The following PRLR variants were observed in gnomAD, a reference collection of about 807,000 sequenced individuals.
PRLR encodes the protein hPRL receptor.
Under a neutral mutation model 40.2 loss-of-function variants are expected in PRLR, and 13 were observed. That is an observed-to-expected ratio of 0.32 (90% CI 0.21 to 0.51). The LOEUF (loss-of-function observed/expected upper bound fraction) is 0.51. Among genes scored for constraint, PRLR ranks in the 20% least tolerant of loss-of-function variants. PRLR has a pLI of 0.97. For synonymous variants in PRLR, 269 were observed against 278.7 expected, an observed-to-expected ratio of 0.97 and a Z score of 0.35; for missense variants, 656 against 747.3, an observed-to-expected ratio of 0.88 and a Z score of 1.42.
chr5:35,086,171 C>T, intron 4 of PRLR, 37 bp downstream of exon 4: 1 of 1,611,252 alleles, frequency 6.2e-7, no homozygotes, highest in Non-Finnish European at 8.5e-7. Context: ...TGGGAGTACT[C>T]ATGTGGGGTT....
intron 6 of PRLR, among the ~76,000 whole-genome samples, chr5:35,072,037 A>G (rs1464134253): frequency 6.6e-6 from 1 of 151,934 alleles, no homozygotes; most frequent in Non-Finnish European, 1.5e-5. Context: ...CTGGGATTAC[A>G]GGTGCCCGCC....
At chr5:35,113,378 TATCCATCC>T (rs753971139) in intron 2 of PRLR, among the ~76,000 whole-genome samples, 1,708 of 105,532 alleles carry the variant, frequency 0.016, 42 homozygotes, top group East Asian at 0.12. Flanking sequence ...CCCACCCATT[TATCCATCC>T]ATCCATCCAT....
intron 3 of PRLR, among the ~76,000 whole-genome samples, chr5:35,087,523 C>A (rs1254607554): frequency 6.6e-6 from 1 of 151,040 alleles, no homozygotes; most frequent in African/African-American, 2.4e-5. Flanking sequence ...CTTTTGTAAT[C>A]CCATAGGGTC....
intron 1 of PRLR, among the ~76,000 whole-genome samples, chr5:35,222,097 G>A (rs1776437329): frequency 6.6e-6 from 1 of 152,188 alleles, no homozygotes; most frequent in South Asian, 2.1e-4. Flanking sequence ...GAGGTCAAGA[G>A]ATCGAGACCA....
intron 1 of PRLR, among the ~76,000 whole-genome samples, chr5:35,212,583 G>C (rs77665054): frequency 2.0e-5 from 3 of 152,054 alleles, no homozygotes; most frequent in Non-Finnish European, 4.4e-5. Context: ...GAAGTCCCCT[G>C]GTATGAAATT....
rs953705796 is a variant in PRLR at position 35,186,386 on chromosome 5, C to T, written c.-106+43882G>A. Among the ~76,000 whole-genome samples, 7 of 152,330 alleles carry T rather than the reference C, an allele frequency of 4.6e-5. 1 individual carries two copies. The highest frequency in any genetic ancestry group is 2.0e-4 in the Admixed American group (3 of 15,306). Reference sequence around the variant, plus strand: ...TCCTCGAGGTTGTCCCTCAGCATGACGCTGACTGATGTTCATCAAGACTTA... The same window carrying T: ...TCCTCGAGGTTGTCCCTCAGCATGATGCTGACTGATGTTCATCAAGACTTA... On this transcript the variant is annotated intron_variant, in intron 1 of 9. Coordinates refer to ENST00000618457, the MANE Select transcript of PRLR (RefSeq NM_000949.7).
intron 1 of PRLR, among the ~76,000 whole-genome samples, chr5:35,137,242 A>G (rs1432310972): frequency 6.6e-6 from 1 of 152,248 alleles, no homozygotes; most frequent in Admixed American, 6.5e-5. Flanking sequence ...TAAAGACCAC[A>G]TGGGTTGTAA....
Position 35,089,622 on chromosome 5 carries a change from T to C in PRLR, c.-2A>G, listed in dbSNP as rs1450188378. 1.9e-6 allele frequency: 3 copies of C among 1,614,070 alleles called. No homozygotes were observed. The highest frequency in any genetic ancestry group is 1.1e-5 in the South Asian group (1 of 91,076). Reference sequence around the variant, plus strand: ...TGCAGATGCCACATTTTCCTTCATGTTGGCTGCCTTCTCTTGCTGCAGGAA... The same window carrying C: ...TGCAGATGCCACATTTTCCTTCATGCTGGCTGCCTTCTCTTGCTGCAGGAA... On this transcript the variant is annotated 5_prime_UTR_variant, in exon 3 of 10. Coordinates refer to ENST00000618457, the MANE Select transcript of PRLR (RefSeq NM_000949.7).
chr5:35,064,886 T>G lies in PRLR; in HGVS notation c.*203A>C. On this transcript the variant is annotated 3_prime_UTR_variant, in exon 10 of 10. Transcript: ENST00000618457. Reference sequence around the variant, plus strand: ...TTTATAACTAACAGCAAAAAGTAAATCTACAAATCACAGTTAGGAAACATA... The same window carrying G: ...TTTATAACTAACAGCAAAAAGTAAAGCTACAAATCACAGTTAGGAAACATA... The G allele has an allele frequency of 1.6e-6, 1 of 606,628 alleles. No individual in the cohort carries two copies. Among genetic ancestry groups the G allele is most frequent in the Non-Finnish European group, 2.8e-6 (1 of 357,510 alleles). The allele number at this position is 606,628 out of a possible 1,614,324, so 37.6% of individuals were successfully genotyped here.
At chr5:35,066,168 G>A in intron 9 of PRLR, 66 bp from the exon 10 acceptor site, 1 of 1,432,384 alleles carries the variant, frequency 7.0e-7, no homozygotes, top group Non-Finnish European at 9.5e-7. Flanking sequence ...CAGCATCCCT[G>A]CTAAGTGGTG....
At chr5:35,088,699 C>T (rs1467410382) in intron 3 of PRLR, among the ~76,000 whole-genome samples, 1 of 152,012 alleles carries the variant, frequency 6.6e-6, no homozygotes, top group East Asian at 1.9e-4. Context: ...ACGGAGAAAA[C>T]CACACAGGAA....
rs371693991 is a variant in PRLR, at chr5:35,068,770, G to A, written c.785+9C>T. On this transcript the variant is annotated intron_variant, in intron 8 of 9. Coordinates refer to ENST00000618457, the MANE Select transcript of PRLR (RefSeq NM_000949.7). ...GATTGGGAGGAAAAGTTGAGAGACA[G>A]TGAAGTACCTATAGCCCTTCAAAGC... 2.6e-6 allele frequency: 4 copies of A among 1,564,188 alleles called. No individual in the cohort carries two copies. Among genetic ancestry groups the A allele is most frequent in the African/African-American group, 1.4e-5 (1 of 73,372 alleles).
chr5:35,103,491 T>C (rs1443403200), intron 2 of PRLR, among the ~76,000 whole-genome samples: 1 of 152,204 alleles, frequency 6.6e-6, no homozygotes, highest in Non-Finnish European at 1.5e-5. Flanking sequence ...CTCACTGCTT[T>C]ACAATAAAAA....
In PRLR at chr5:35,208,227, C is replaced by A. The variant is rs549853141; in HGVS notation, c.-106+22041G>T. 3.4e-3 allele frequency among the ~76,000 whole-genome samples: 522 copies of A among 151,608 alleles called. 3 individuals carry two copies. Among genetic ancestry groups the A allele is most frequent in the African/African-American group, 0.012 (499 of 41,296 alleles). ...CACTCCATGTTCTGGGGAAAGAGGA[C>A]CTTTAACATTTAGGACACTGAACAA... is the stretch of plus-strand genomic sequence containing the variant. On this transcript the variant is annotated intron_variant, in intron 1 of 9. Transcript: ENST00000618457.
chr5:35,069,015 G>A (rs1369519210), intron 7 of PRLR, 137 bp from the exon 8 acceptor site: 3 of 587,914 alleles, frequency 5.1e-6, no homozygotes, highest in Non-Finnish European at 9.2e-6. Context: ...GCAATCCAAA[G>A]TATCATCAAT....
At chr5:35,070,046 T>C (rs374935728) in intron 7 of PRLR, 78 bp downstream of exon 7, 3 of 1,489,652 alleles carry the variant, frequency 2.0e-6, no homozygotes, top group African/African-American at 2.8e-5. Flanking sequence ...ATGGTTTCTC[T>C]ATTAGTAGTT....
intron 5 of PRLR, among the ~76,000 whole-genome samples, chr5:35,083,884 A>G (rs1469628718): frequency 1.3e-5 from 2 of 151,426 alleles, no homozygotes; most frequent in African/African-American, 4.8e-5. Context: ...ATATTATCTT[A>G]TGTTATAAAA....
In PRLR at chr5:35,086,192, G is replaced by A. The variant is rs769493160; in HGVS notation, c.203+16C>T. On this transcript the variant is annotated intron_variant, in intron 4 of 9. Transcript: ENST00000618457. ...TACTCATGTGGGGTTTCATAGGAGA[G>A]AAGGGAACTTCTTACCCTTCCCTGT... The A allele has an allele frequency of 6.2e-7, 1 of 1,613,470 alleles. No individual in the cohort carries two copies. The highest frequency in any genetic ancestry group is 1.3e-5 in the African/African-American group (1 of 74,910).
chr5:35,066,225 T>A, intron 9 of PRLR, 123 bp from the exon 10 acceptor site: 1 of 1,001,676 alleles, frequency 1.0e-6, no homozygotes, highest in Admixed American at 2.8e-5. Flanking sequence ...CTTCAGACAT[T>A]TGTGTGCCAG....
Sources: gnomAD v4.1 joint callset for allele counts (sites outside exome capture counted in the v4.1 genomes callset) on GRCh38, gnomAD v4.1.1 for gene constraint, MANE v1.5 for transcripts, NCBI Gene and HGNC (gene_info 2026-07-23, HGNC 2026-07-21) for gene names.